Variants in KHDRBS2 observed in about 807,000 individuals in gnomAD.
The protein encoded by KHDRBS2 is KH domain-containing, RNA-binding, signal transduction-associated protein 2.
KHDRBS2 carries 26 observed loss-of-function variants against 44.3 expected under a neutral mutation model. The ratio of observed to expected loss-of-function variants is 0.59; its 90% CI spans 0.43 to 0.81. The LOEUF is 0.81. Ranked by LOEUF, KHDRBS2 falls within the 40% of genes least tolerant of loss-of-function variation. The probability of loss-of-function intolerance (pLI) is 0.00; values close to 1 mark genes in which losing one functional copy is unlikely to be tolerated. For missense variants in KHDRBS2, 476 were observed against 433.1 expected (o/e 1.10, Z -0.88); for synonymous variants, 194 against 151.1 (o/e 1.28, Z -2.08).
intron 7 of KHDRBS2, among the ~76,000 whole-genome samples, chr6:61,729,161 G>A (rs1465276202): frequency 1.3e-5 from 2 of 152,124 alleles, no homozygotes; most frequent in African/African-American, 4.8e-5. Flanking sequence ...AAAAGAATGA[G>A]ATCATGTCCT....
intron 3 of KHDRBS2, among the ~76,000 whole-genome samples, chr6:61,985,890 G>A (rs777919280): frequency 5.9e-5 from 9 of 151,826 alleles, no homozygotes; most frequent in Non-Finnish European, 7.4e-5. Flanking sequence ...ATAAATGACC[G>A]CTTTTATGTT....
chr6:61,596,796 T>C, the KHDRBS2 span, among the ~76,000 whole-genome samples: 3 of 152,148 alleles, frequency 2.0e-5, no homozygotes, highest in South Asian at 2.1e-4. Flanking sequence ...GGACTACAGG[T>C]GCATGCCACC....
intron 8 of KHDRBS2, among the ~76,000 whole-genome samples, chr6:61,685,219 A>C (rs1169077919): frequency 6.6e-6 from 1 of 151,832 alleles, no homozygotes; most frequent in Non-Finnish European, 1.5e-5. Flanking sequence ...TAGTAAGAAC[A>C]CAGGTGCTGT....
chr6:61,867,995 G>T (rs555070225), intron 6 of KHDRBS2, among the ~76,000 whole-genome samples: 1 of 152,158 alleles, frequency 6.6e-6, no homozygotes, highest in African/African-American at 2.4e-5. Flanking sequence ...GTGCTATGTT[G>T]GGGGATCCCT....
chr6:62,131,327 T>C (rs929527058), intron 2 of KHDRBS2, among the ~76,000 whole-genome samples: 4 of 152,226 alleles, frequency 2.6e-5, no homozygotes, highest in African/African-American at 7.2e-5. Flanking sequence ...ACAAGGATGC[T>C]TTTATTAGCA....
chr6:61,599,468 C>CA, the KHDRBS2 span, among the ~76,000 whole-genome samples: 59 of 151,946 alleles, frequency 3.9e-4, 1 homozygote, highest in African/African-American at 7.2e-4. Flanking sequence ...GTAGCCCCCC[C>CA]AAAAAATTTT....
intron 6 of KHDRBS2, among the ~76,000 whole-genome samples, chr6:61,759,474 T>C (rs1778961912): frequency 6.6e-6 from 1 of 152,184 alleles, no homozygotes; most frequent in Non-Finnish European, 1.5e-5. Context: ...TTTAAAACAT[T>C]ATGAAGATAC....
intron 2 of KHDRBS2, among the ~76,000 whole-genome samples, chr6:62,096,035 A>T (rs1047695063): frequency 6.6e-6 from 1 of 151,912 alleles, no homozygotes; most frequent in African/African-American, 2.4e-5. Context: ...TGATTTGCGT[A>T]TATTGAACCA....
chr6:62,074,335 A>G (rs1211554127), intron 2 of KHDRBS2, among the ~76,000 whole-genome samples: 1 of 151,872 alleles, frequency 6.6e-6, no homozygotes, highest in African/African-American at 2.4e-5. Context: ...ACCCAGCACC[A>G]TTCCTGCATG....
chr6:61,629,901 A>T, the KHDRBS2 span, among the ~76,000 whole-genome samples: 615 of 152,258 alleles, frequency 4.0e-3, 4 homozygotes, highest in Non-Finnish European at 6.8e-3. Flanking sequence ...ATGAAAATAC[A>T]TTTTTTCAGA....
At chr6:61,836,906 T>C (rs1051414598) in intron 6 of KHDRBS2, among the ~76,000 whole-genome samples, 3 of 152,068 alleles carry the variant, frequency 2.0e-5, no homozygotes, top group Non-Finnish European at 4.4e-5. Flanking sequence ...ATTATGCAGA[T>C]AGAATGCTAT....
At chr6:62,034,544 C>A (rs1490204062) in intron 3 of KHDRBS2, among the ~76,000 whole-genome samples, 5 of 151,566 alleles carry the variant, frequency 3.3e-5, no homozygotes, top group Non-Finnish European at 7.4e-5. Flanking sequence ...GGACAAAAAC[C>A]ATATAATCAT....
At chr6:62,284,330 CAT>C (rs1842184440) in intron 1 of KHDRBS2, among the ~76,000 whole-genome samples, 1 of 151,876 alleles carries the variant, frequency 6.6e-6, no homozygotes, top group African/African-American at 2.4e-5. Flanking sequence ...ACTTTAAAGA[CAT>C]ATTATAAGCT....
rs549428708 is a variant in KHDRBS2, at chr6:61,973,411, A to G, written c.483+4655T>C. 2.6e-5 allele frequency among the ~76,000 whole-genome samples: 4 copies of G among 152,158 alleles called. 1 individual carries two copies. Among genetic ancestry groups the G allele is most frequent in the Middle Eastern group, 6.3e-3 (2 of 316 alleles). On this transcript the variant is annotated intron_variant, in intron 4 of 8. Transcript: ENST00000281156. ...CAGTGTTTGAAGAAGGGAGGCAAGA[A>G]TATCCTCCATTTGCTTTTGCCATAA...
chr6:61,637,111 C>A, the KHDRBS2 span, among the ~76,000 whole-genome samples: 1 of 151,894 alleles, frequency 6.6e-6, no homozygotes, highest in Non-Finnish European at 1.5e-5. Context: ...TATACATGTG[C>A]CATGCTGGTG....
At chr6:62,261,428 CAT>C (rs1423101346) in intron 1 of KHDRBS2, among the ~76,000 whole-genome samples, 1 of 151,886 alleles carries the variant, frequency 6.6e-6, no homozygotes, top group Non-Finnish European at 1.5e-5. Context: ...CATTTTATAA[CAT>C]GAGCCATGCA....
chr6:61,743,771 T>TCCCCCCCCC (rs528609380), intron 6 of KHDRBS2, among the ~76,000 whole-genome samples: 4 of 125,072 alleles, frequency 3.2e-5, no homozygotes, highest in East Asian at 2.3e-4. Flanking sequence ...CTTAATGCTA[T>TCCCCCCCCC]CCCCCCCCTC....
At chr6:61,771,366 G>C (rs868464843) in intron 6 of KHDRBS2, among the ~76,000 whole-genome samples, 2 of 152,120 alleles carry the variant, frequency 1.3e-5, no homozygotes, top group Non-Finnish European at 2.9e-5. Flanking sequence ...TGGGCTAAAT[G>C]CTCCAATTAA....
the KHDRBS2 span, among the ~76,000 whole-genome samples, chr6:61,648,332 T>C: frequency 6.6e-6 from 1 of 152,110 alleles, no homozygotes; most frequent in Non-Finnish European, 1.5e-5. Flanking sequence ...TAGATAAGGC[T>C]AGAATCTAAC....
Sources: allele counts gnomAD v4.1 joint callset (sites outside exome capture counted in the v4.1 genomes callset), GRCh38; gene constraint gnomAD v4.1.1; transcripts MANE v1.5; gene names NCBI Gene and HGNC (gene_info 2026-07-23, HGNC 2026-07-21).